The following ZNF385C variants were observed in gnomAD, a reference collection of about 807,000 sequenced individuals.
ZNF385C encodes zinc finger protein 385C.
Under a neutral mutation model 35.4 loss-of-function variants are expected in ZNF385C, and 28 were observed. That is an observed-to-expected ratio of 0.79 (90% CI 0.59 to 1.08). The LOEUF (loss-of-function observed/expected upper bound fraction) is 1.08, where lower values mean the gene tolerates loss of function less well. ZNF385C is among the 50% of genes least tolerant of loss of function. The probability of loss-of-function intolerance (pLI) is 0.00; values close to 1 mark genes in which losing one functional copy is unlikely to be tolerated. For missense variants in ZNF385C, 605 were observed against 595.6 expected (o/e 1.02, Z -0.16); for synonymous variants, 248 against 248.2 (o/e 1.00, Z 0.01).
intron 2 of ZNF385C, chr17:42,039,792 G>A (rs1396198024): frequency 6.5e-6 from 8 of 1,232,088 alleles, no homozygotes; most frequent in East Asian, 3.2e-5. Context: ...CGTGCAGCGG[G>A]GGCCCATCCA....
chr17:42,043,422 T>G, intron 2 of ZNF385C: 12 of 1,228,434 alleles, frequency 9.8e-6, no homozygotes, highest in Non-Finnish European at 1.2e-5. Context: ...CTGAATGCTC[T>G]TGCCCCCCTG....
intron 1 of ZNF385C, among the ~76,000 whole-genome samples, chr17:42,065,992 G>A (rs1423318225): frequency 2.6e-5 from 4 of 151,946 alleles, no homozygotes; most frequent in South Asian, 4.2e-4. Context: ...TAGATGAGCT[G>A]ATCTATAATC....
intron 7 of ZNF385C, 102 bp downstream of exon 7, chr17:42,027,948 T>C: frequency 6.9e-7 from 1 of 1,445,732 alleles, no homozygotes; most frequent in Non-Finnish European, 9.5e-7. Flanking sequence ...CAGCCTGCTC[T>C]GCTGTGCCCT....
intron 1 of ZNF385C, among the ~76,000 whole-genome samples, chr17:42,088,450 G>A (rs2053831833): frequency 1.3e-5 from 2 of 152,384 alleles, no homozygotes; most frequent in Admixed American, 6.5e-5. Context: ...GCGGAGCACC[G>A]CCGGACAAGC....
intron 1 of ZNF385C, among the ~76,000 whole-genome samples, chr17:42,081,531 C>T (rs533473824): frequency 3.9e-5 from 6 of 152,266 alleles, no homozygotes; most frequent in South Asian, 2.1e-4. Context: ...CCTGCCACCA[C>T]GCCCAGTTAA....
chr17:42,075,330 C>T (rs1419952773), intron 1 of ZNF385C, among the ~76,000 whole-genome samples: 5 of 152,108 alleles, frequency 3.3e-5, no homozygotes, highest in African/African-American at 9.7e-5. Flanking sequence ...CCCAACTATA[C>T]TGAGCGCTCC....
At chr17:42,056,344 G>T (rs1428497948) in intron 2 of ZNF385C, among the ~76,000 whole-genome samples, 1 of 152,254 alleles carries the variant, frequency 6.6e-6, no homozygotes, top group African/African-American at 2.4e-5. Flanking sequence ...GGAATCATCT[G>T]TTGGGACAGC....
At position 42,062,953 on chromosome 17, in the gene ZNF385C, C is replaced by T; in HGVS notation, c.104G>A (p.Arg35Gln). 1 of 694,568 alleles carries T rather than the reference C, an allele frequency of 1.4e-6. No individual in the cohort carries two copies. Among genetic ancestry groups the T allele is most frequent in the Non-Finnish European group, 2.6e-6 (1 of 381,126 alleles). The allele number at this position is 694,568 out of a possible 1,614,324, so 43.0% of individuals were successfully genotyped here. A position where few individuals can be genotyped will look rare whatever the true frequency, so the allele number is the denominator to read the frequency against. The stretch of plus-strand genomic sequence containing the variant: ...CGTGTACGATGGCCGCTTTCTTTCT[C>T]GCTTGGGCTTAGGTGGTTCTGGGGG... ...PRPPEPPKPK[R>Q]ERKRPSYTLC... Residue 35 changes from arginine (R) to glutamine (Q), a missense_variant, in exon 2 of 9, where the codon CGA (arginine) becomes CAA (glutamine). By Grantham distance (43) the Arg-to-Gln change is conservative. Transcript: ENST00000692273.
At chr17:42,048,860 G>A (rs2053225485) in intron 2 of ZNF385C, among the ~76,000 whole-genome samples, 1 of 151,762 alleles carries the variant, frequency 6.6e-6, no homozygotes, top group South Asian at 2.1e-4. Flanking sequence ...ACCAGAGGGG[G>A]GCTTTTAAAA....
intron 1 of ZNF385C, among the ~76,000 whole-genome samples, chr17:42,098,102 C>A (rs1555661111): frequency 2.6e-5 from 4 of 152,206 alleles, no homozygotes; most frequent in Admixed American, 1.3e-4. Context: ...GGACCCCCGT[C>A]CTCACCATCC....
At chr17:42,060,698 C>T (rs1026768036) in intron 2 of ZNF385C, among the ~76,000 whole-genome samples, 5 of 152,108 alleles carry the variant, frequency 3.3e-5, no homozygotes, top group Admixed American at 6.6e-5. Context: ...GTTTGCCTCT[C>T]CCTCCTCTGA....
intron 3 of ZNF385C, among the ~76,000 whole-genome samples, chr17:42,036,727 C>G (rs1363256944): frequency 6.6e-6 from 1 of 151,884 alleles, no homozygotes; most frequent in African/African-American, 2.4e-5. Context: ...GGGCCCCCTG[C>G]AATTGGAACC....
chr17:42,088,107 T>A (rs2053828153), intron 1 of ZNF385C, among the ~76,000 whole-genome samples: 1 of 152,216 alleles, frequency 6.6e-6, no homozygotes, highest in South Asian at 2.1e-4. Flanking sequence ...ATTTGCAAAG[T>A]GTTTAGCAAC....
At chr17:42,093,342 C>T (rs1363494545) in intron 1 of ZNF385C, among the ~76,000 whole-genome samples, 1 of 152,128 alleles carries the variant, frequency 6.6e-6, no homozygotes, top group East Asian at 1.9e-4. Context: ...GACTCCAAGT[C>T]CCAACACCCT....
chr17:42,071,713 C>A (rs1372640985), intron 1 of ZNF385C, among the ~76,000 whole-genome samples: 5 of 152,228 alleles, frequency 3.3e-5, no homozygotes, highest in Admixed American at 3.3e-4. Context: ...GACCCGCCGG[C>A]CCCATGCCCC....
At chr17:42,039,633 T>C (rs1489151241) in intron 2 of ZNF385C, 8 of 1,198,682 alleles carry the variant, frequency 6.7e-6, no homozygotes, top group Non-Finnish European at 8.4e-6. Flanking sequence ...GGGTGCAGCA[T>C]GGTCAAGTCT....
intron 1 of ZNF385C, among the ~76,000 whole-genome samples, chr17:42,082,126 T>G: frequency 6.6e-6 from 1 of 152,178 alleles, no homozygotes; most frequent in Admixed American, 6.5e-5. Context: ...TCCCACCACC[T>G]CAGCCCCTTG....
intron 1 of ZNF385C, among the ~76,000 whole-genome samples, chr17:42,076,032 G>A (rs73311609): frequency 0.086 from 13,078 of 152,118 alleles, 654 homozygotes; most frequent in African/African-American, 0.14. Context: ...GTAGTTTCCT[G>A]CGCTGGGAGG....
chr17:42,060,043 C>T lies in ZNF385C; in HGVS notation c.250+2764G>A, dbSNP rs545189522. On this transcript the variant is annotated intron_variant, in intron 2 of 8. Coordinates refer to ENST00000692273, the MANE Select transcript of ZNF385C (RefSeq NM_001392013.1). ...GCCCAGGAAGTAAGACCTGAAGAGG[C>T]TGTGTTACAAGAGGAACAAAGACCA... 1.4e-3 allele frequency among the ~76,000 whole-genome samples: 207 copies of T among 152,282 alleles called. 2 individuals are homozygous for T. The highest frequency in any genetic ancestry group is 2.1e-3 in the Non-Finnish European group (146 of 68,012).
Sources: gnomAD v4.1 joint callset for allele counts (sites outside exome capture counted in the v4.1 genomes callset) on GRCh38, gnomAD v4.1.1 for gene constraint, MANE v1.5 for transcripts, NCBI Gene and HGNC (gene_info 2026-07-23, HGNC 2026-07-21) for gene names.